GAREM1: variants seen among roughly 807,000 people sequenced by gnomAD.
The protein encoded by GAREM1 is GRB2 associated regulator of MAPK1 subtype 1, also known as GRB2-associated and regulator of MAPK protein 1.
A neutral mutation model predicts 71.3 loss-of-function variants in GAREM1; 26 were observed. That is an observed-to-expected ratio of 0.36 (90% CI 0.27 to 0.51). The LOEUF (loss-of-function observed/expected upper bound fraction) is 0.51. Among genes scored for constraint, GAREM1 ranks in the 20% least tolerant of loss-of-function variants. The pLI is 0.95. For synonymous variants in GAREM1, 440 were observed against 433.2 expected, an observed-to-expected ratio of 1.02 and a Z score of -0.20; for missense variants, 1,026 against 1,103.1, an observed-to-expected ratio of 0.93 and a Z score of 0.99.
chr18:32,280,916 T>C (rs2046945057), intron 4 of GAREM1, among the ~76,000 whole-genome samples: 1 of 152,112 alleles, frequency 6.6e-6, no homozygotes, highest in Admixed American at 6.6e-5. Context: ...ACCTGGAAAG[T>C]GTGACTTCTT....
intron 2 of GAREM1, among the ~76,000 whole-genome samples, chr18:32,354,698 A>C (rs2047787837): frequency 6.6e-6 from 1 of 152,146 alleles, no homozygotes; most frequent in South Asian, 2.1e-4. Context: ...CGGGGAGGAA[A>C]AGCGGTGTGG....
chr18:32,368,772 A>G (rs1567982728), intron 2 of GAREM1, among the ~76,000 whole-genome samples: 1 of 152,188 alleles, frequency 6.6e-6, no homozygotes, highest in Non-Finnish European at 1.5e-5. Context: ...CACACACGCA[A>G]CATGAATGTG....
chr18:32,443,442 A>G (rs531532113), intron 1 of GAREM1, among the ~76,000 whole-genome samples: 6 of 152,314 alleles, frequency 3.9e-5, no homozygotes, highest in Admixed American at 2.6e-4. Context: ...CCATTCAACA[A>G]TGAAAAGTAA....
At chr18:32,311,881 G>C (rs1024907042) in intron 2 of GAREM1, among the ~76,000 whole-genome samples, 1 of 152,236 alleles carries the variant, frequency 6.6e-6, no homozygotes, top group African/African-American at 2.4e-5. Context: ...CCTCTAGCTG[G>C]CATGTTGAGA....
intron 2 of GAREM1, among the ~76,000 whole-genome samples, chr18:32,371,297 C>T (rs2047976685): frequency 6.6e-6 from 1 of 151,936 alleles, no homozygotes. Context: ...AGAATTTATG[C>T]CAAAAGTTAG....
chr18:32,290,128 T>C (rs1441706508), intron 3 of GAREM1: 1 of 151,468 alleles, frequency 6.6e-6, no homozygotes, highest in Non-Finnish European at 1.5e-5. Context: ...ATATATAAAG[T>C]ATTATATACT....
intron 5 of GAREM1, 21 bp downstream of exon 5, chr18:32,270,196 G>A: frequency 6.2e-7 from 1 of 1,612,288 alleles, no homozygotes; most frequent in Non-Finnish European, 8.5e-7. Context: ...GCGTGCAGTG[G>A]GACCTGGCAG....
chr18:32,462,269 T>C lies in GAREM1; in HGVS notation c.121+8039A>G, dbSNP rs565076031. Among the ~76,000 whole-genome samples the C allele has an allele frequency of 2.6e-5, 4 of 152,380 alleles. No individual in the cohort carries two copies. The South Asian group carries it at 8.3e-4, about 32-fold the overall frequency. On this transcript the variant is annotated intron_variant, in intron 1 of 5. Transcript: ENST00000269209. The stretch of plus-strand genomic sequence containing the variant: ...ACCAACAGTATGTAAAGGTTCCCTT[T>C]TCTCCACATCCTTGCCAACACTTTT...
At chr18:32,296,000 C>A (rs1353696903) in intron 3 of GAREM1, among the ~76,000 whole-genome samples, 2 of 151,352 alleles carry the variant, frequency 1.3e-5, no homozygotes, top group Non-Finnish European at 1.5e-5. Flanking sequence ...TCTCACTCTG[C>A]CGCCCAGGCT....
At chr18:32,294,220 A>C (rs1012633220) in intron 3 of GAREM1, among the ~76,000 whole-genome samples, 1 of 152,200 alleles carries the variant, frequency 6.6e-6, no homozygotes, top group African/African-American at 2.4e-5. Context: ...TGATGTATTA[A>C]GGGGTAAGGG....
intron 2 of GAREM1, among the ~76,000 whole-genome samples, chr18:32,326,278 C>T (rs1326106777): frequency 6.6e-6 from 1 of 152,146 alleles, no homozygotes; most frequent in Non-Finnish European, 1.5e-5. Context: ...GACAAGCTAC[C>T]TACTAAACTC....
chr18:32,331,637 CAGA>C (rs1016411675), intron 2 of GAREM1: 1 of 152,162 alleles, frequency 6.6e-6, no homozygotes, highest in Non-Finnish European at 1.5e-5. Flanking sequence ...GTGTCTGATT[CAGA>C]AGGTGTCGGA....
At chr18:32,364,875 GACAC>G (rs35309414) in intron 2 of GAREM1, among the ~76,000 whole-genome samples, 3,615 of 144,520 alleles carry the variant, frequency 0.025, 68 homozygotes, top group African/African-American at 0.051. Context: ...TAAGAGCACA[GACAC>G]ACACACACAC....
At chr18:32,355,460 G>A (rs1471285040) in intron 2 of GAREM1, among the ~76,000 whole-genome samples, 5 of 152,018 alleles carry the variant, frequency 3.3e-5, no homozygotes, top group African/African-American at 9.6e-5. Flanking sequence ...TTTACTTAAG[G>A]AATCAAGAGT....
intron 3 of GAREM1, among the ~76,000 whole-genome samples, chr18:32,303,845 C>T (rs2047222502): frequency 6.6e-6 from 1 of 151,850 alleles, no homozygotes; most frequent in African/African-American, 2.4e-5. Flanking sequence ...CACTTGCGCC[C>T]AGGAGTTCAA....
intron 2 of GAREM1, among the ~76,000 whole-genome samples, chr18:32,358,653 T>C (rs1598987134): frequency 2.0e-5 from 3 of 152,292 alleles, no homozygotes; most frequent in South Asian, 2.1e-4. Context: ...CCGTAACAAC[T>C]TTCTACGGTA....
At chr18:32,336,532 T>A (rs558103769) in intron 2 of GAREM1, among the ~76,000 whole-genome samples, 1 of 152,272 alleles carries the variant, frequency 6.6e-6, no homozygotes, top group East Asian at 1.9e-4. Context: ...TTTAAACATC[T>A]TAATTCCCTC....
Position 32,268,169 on chromosome 18 carries a change from GAGA to G in GAREM1, c.2330_2332del (p.Phe777del), listed in dbSNP as rs780022864. On this transcript the variant is annotated inframe_deletion, in exon 6 of 6. Transcript: ENST00000269209. ...CGGAGATGAGAAAGGGTAGGAGGCA[GAGA>G]AGATGTCCTGCATGCCCTTTTTAAC... The G allele has an allele frequency of 6.8e-6, 11 of 1,614,062 alleles. No homozygotes were observed. In the South Asian group the frequency reaches 8.8e-5, roughly 13 times the overall value.
chr18:32,361,561 CAGAG>C (rs1216026715), intron 2 of GAREM1, among the ~76,000 whole-genome samples: 1 of 152,130 alleles, frequency 6.6e-6, no homozygotes, highest in Non-Finnish European at 1.5e-5. Context: ...TGATTTTACA[CAGAG>C]AATTAGTTTC....
Sources: gnomAD v4.1 joint callset for allele counts (sites outside exome capture counted in the v4.1 genomes callset) on GRCh38, gnomAD v4.1.1 for gene constraint, MANE v1.5 for transcripts, NCBI Gene and HGNC (gene_info 2026-07-23, HGNC 2026-07-21) for gene names.